Variants in BAZ2B observed in about 807,000 individuals in gnomAD.
BAZ2B encodes the protein bromodomain adjacent to zinc finger domain protein 2B.
In BAZ2B, 91 loss-of-function variants were observed where a neutral mutation model predicts 246.0. The ratio of observed to expected loss-of-function variants is 0.37; its 90% CI spans 0.31 to 0.44. BAZ2B has a LOEUF of 0.44. Ranked by LOEUF, BAZ2B falls within the 20% of genes least tolerant of loss-of-function variation. The probability of loss-of-function intolerance (pLI) is 1.00; values close to 1 mark genes in which losing one functional copy is unlikely to be tolerated. For synonymous variants in BAZ2B, 855 were observed against 860.0 expected, an observed-to-expected ratio of 0.99 and a Z score of 0.10; for missense variants, 2,332 against 2,533.7, an observed-to-expected ratio of 0.92 and a Z score of 1.71.
rs569722488 is a variant in BAZ2B, at chr2:159,490,036, C to T, written c.-2-11315G>A. On this transcript the variant is annotated intron_variant, in intron 2 of 36. Coordinates refer to ENST00000392783, the MANE Select transcript of BAZ2B (RefSeq NM_013450.4). Reference sequence around the variant, plus strand: ...TGGAATTACATTATATTGGTTTTCACCTATTCTTTCTTAGTCAATGTCAAA... The same window carrying T: ...TGGAATTACATTATATTGGTTTTCATCTATTCTTTCTTAGTCAATGTCAAA... Among the ~76,000 whole-genome samples, 81 of 152,290 alleles carry T rather than the reference C, an allele frequency of 5.3e-4. 1 individual carries two copies. Among genetic ancestry groups the T allele is most frequent in the Non-Finnish European group, 2.5e-4 (17 of 68,020 alleles).
At chr2:159,594,825 G>T (rs760445649) in intron 1 of BAZ2B, among the ~76,000 whole-genome samples, 62 of 152,274 alleles carry the variant, frequency 4.1e-4, no homozygotes, top group Middle Eastern at 3.4e-3. Context: ...TAGAGACAGG[G>T]CTTCACCATG....
chr2:159,482,135 CAAAA>C (rs35050934), intron 2 of BAZ2B, among the ~76,000 whole-genome samples: 1 of 143,684 alleles, frequency 7.0e-6, no homozygotes, highest in Non-Finnish European at 1.5e-5. Context: ...AAAAAACAAA[CAAAA>C]AAAAAACCCA....
At chr2:159,568,756 A>G (rs529322860) in intron 1 of BAZ2B, among the ~76,000 whole-genome samples, 1 of 152,226 alleles carries the variant, frequency 6.6e-6, no homozygotes, top group South Asian at 2.1e-4. Context: ...TTCAATTAGT[A>G]GCTAAAGTGA....
rs752687091 is a variant in BAZ2B at position 159,432,676 on chromosome 2, A to C, written c.1900+81T>G. ...AACATAGTAAATGACGCTGATTTTA[A>C]GTCTGAATTAAGAAACCCTTTAAAA... On this transcript the variant is annotated intron_variant, in intron 9 of 36. Coordinates refer to ENST00000392783, the MANE Select transcript of BAZ2B (RefSeq NM_013450.4). 2.8e-4 allele frequency: 427 copies of C among 1,503,530 alleles called. 2 individuals carry two copies. The highest frequency in any genetic ancestry group is 3.0e-4 in the Non-Finnish European group (341 of 1,124,322). The allele number at this position is 1,503,530 out of a possible 1,614,324, so 93.1% of individuals were successfully genotyped here.
chr2:159,514,594 G>A (rs769095015), intron 2 of BAZ2B, among the ~76,000 whole-genome samples: 21 of 152,084 alleles, frequency 1.4e-4, no homozygotes, highest in Non-Finnish European at 2.5e-4. Context: ...AATGGTTAAG[G>A]GTATGACACT....
intron 1 of BAZ2B, among the ~76,000 whole-genome samples, chr2:159,588,547 C>T (rs1372661929): frequency 6.6e-6 from 1 of 152,062 alleles, no homozygotes; most frequent in Non-Finnish European, 1.5e-5. Context: ...TAAATATGAC[C>T]ATAGTCCATT....
At chr2:159,624,592 C>A in the BAZ2B span, among the ~76,000 whole-genome samples, 5 of 152,096 alleles carry the variant, frequency 3.3e-5, no homozygotes, top group Non-Finnish European at 7.4e-5. Context: ...AGCAGAGGGG[C>A]CTGACTGTTG....
chr2:159,583,637 C>T (rs1687359139), intron 1 of BAZ2B, among the ~76,000 whole-genome samples: 1 of 151,918 alleles, frequency 6.6e-6, no homozygotes, highest in African/African-American at 2.4e-5. Context: ...AGATGCTACT[C>T]ATTTGTGAAC....
In BAZ2B at chr2:159,385,317, T is replaced by C. The variant is rs778911226; in HGVS notation, c.3524A>G (p.Asn1175Ser). The part of the protein sequence containing the change: ...HLLNVGVNRD[N>S]VSEILQIFME... The stretch of plus-strand genomic sequence containing the variant: ...AAATATCTGTAAAATCTCGGAAACA[T>C]TGTCTCGATTCACACCAACATTCAG... The change falls in exon 23 of 37, where the codon AAT (asparagine) becomes AGT (serine). Residue 1175 changes from asparagine to serine, a missense_variant. Physicochemically the swap from Asn to Ser is conservative, Grantham distance 46. Transcript: ENST00000392783. 11 of 1,613,284 alleles carry C rather than the reference T, an allele frequency of 6.8e-6. No homozygotes were observed. The highest frequency in any genetic ancestry group is 5.5e-5 in the South Asian group (5 of 91,058).
At chr2:159,561,448 T>TTA (rs2089860390) in intron 1 of BAZ2B, among the ~76,000 whole-genome samples, 2 of 152,194 alleles carry the variant, frequency 1.3e-5, no homozygotes, top group Non-Finnish European at 2.9e-5. Flanking sequence ...ACTGTTAGCT[T>TTA]AATAAACCTC....
intron 31 of BAZ2B, among the ~76,000 whole-genome samples, chr2:159,343,904 T>G (rs182929496): frequency 1.2e-4 from 18 of 151,454 alleles, no homozygotes; most frequent in Middle Eastern, 3.4e-3. Flanking sequence ...TGGGCGCCTG[T>G]AGTCTCAGCT....
chr2:159,363,102 GTGT>G (rs1254585518), intron 27 of BAZ2B, among the ~76,000 whole-genome samples: 1 of 152,206 alleles, frequency 6.6e-6, no homozygotes. Flanking sequence ...GGAGACAACA[GTGT>G]TGTTAAGGGA....
intron 1 of BAZ2B, among the ~76,000 whole-genome samples, chr2:159,572,253 T>C (rs1259846007): frequency 1.3e-5 from 2 of 152,224 alleles, no homozygotes; most frequent in East Asian, 3.8e-4. Context: ...AGTATAGCAC[T>C]TTCCTGAGCT....
the BAZ2B span, among the ~76,000 whole-genome samples, chr2:159,667,597 AAAATAAATAAATAAATAAAT>A: frequency 2.8e-5 from 4 of 142,384 alleles, no homozygotes; most frequent in East Asian, 2.0e-4. Flanking sequence ...CTCTGTCTCA[AAAATAAATAAATAAATAAAT>A]AAATAAATAA....
At chr2:159,684,615 C>T in the BAZ2B span, among the ~76,000 whole-genome samples, 1 of 152,204 alleles carries the variant, frequency 6.6e-6, no homozygotes, top group African/African-American at 2.4e-5. Context: ...GATCCTCCCA[C>T]CTCAGTCTCC....
chr2:159,696,777 T>C, the BAZ2B span, among the ~76,000 whole-genome samples: 1 of 152,286 alleles, frequency 6.6e-6, no homozygotes, highest in Admixed American at 6.5e-5. Flanking sequence ...ATATGCAGTG[T>C]TTTTTTGTTT....
At chr2:159,493,429 G>C (rs996727567) in intron 2 of BAZ2B, among the ~76,000 whole-genome samples, 4 of 152,070 alleles carry the variant, frequency 2.6e-5, no homozygotes, top group African/African-American at 9.7e-5. Context: ...TGAGTAACTC[G>C]ACTATTAAAA....
At chr2:159,531,107 G>A (rs1559706767) in intron 2 of BAZ2B, among the ~76,000 whole-genome samples, 1 of 152,138 alleles carries the variant, frequency 6.6e-6, no homozygotes, top group Non-Finnish European at 1.5e-5. Context: ...ATAATTAGGT[G>A]TATTCTGTGG....
chr2:159,605,864 C>A (rs1404511825), intron 1 of BAZ2B, among the ~76,000 whole-genome samples: 3 of 152,208 alleles, frequency 2.0e-5, no homozygotes, highest in African/African-American at 7.2e-5. Context: ...TAAAACAATT[C>A]TTCTCTTTTG....
Sources: allele counts gnomAD v4.1 joint callset (sites outside exome capture counted in the v4.1 genomes callset), GRCh38; gene constraint gnomAD v4.1.1; transcripts MANE v1.5; gene names NCBI Gene and HGNC (gene_info 2026-07-23, HGNC 2026-07-21).